EEF2K: variants seen among roughly 807,000 people sequenced by gnomAD.
EEF2K encodes eukaryotic elongation factor 2 kinase, also known as alternative protein EEF2K.
A neutral mutation model predicts 93.8 loss-of-function variants in EEF2K; 70 were observed. The observed-to-expected ratio is 0.75, with a 90% confidence interval of 0.62 to 0.91. The LOEUF (loss-of-function observed/expected upper bound fraction) is 0.91. Among genes scored for constraint, EEF2K ranks in the 40% least tolerant of loss-of-function variants. EEF2K has a pLI of 0.00. For missense variants in EEF2K, 935 were observed against 972.9 expected (o/e 0.96, Z 0.52); for synonymous variants, 376 against 380.8 (o/e 0.99, Z 0.15).
chr16:22,250,710 C>A lies in EEF2K; in HGVS notation c.446+19C>A, dbSNP rs371265228. ...TCCGGACGTAAGTGACTCAGCCTGG[C>A]TCTTGGGGCCCTGCCCAGAGTCCCC... is the stretch of plus-strand genomic sequence containing the variant. On this transcript the variant is annotated intron_variant, in intron 5 of 17. Transcript: ENST00000263026. 1 of 1,614,116 alleles carries A rather than the reference C, an allele frequency of 6.2e-7. No homozygotes were observed. The highest frequency in any genetic ancestry group is 8.5e-7 in the Non-Finnish European group (1 of 1,180,028).
intron 2 of EEF2K, among the ~76,000 whole-genome samples, chr16:22,230,372 C>T (rs903268022): frequency 6.6e-6 from 1 of 152,056 alleles, no homozygotes; most frequent in Admixed American, 6.6e-5. Flanking sequence ...CGCCACTATG[C>T]CCTGCTAATT....
At chr16:22,246,169 C>T (rs576924302) in intron 3 of EEF2K, among the ~76,000 whole-genome samples, 2 of 152,052 alleles carry the variant, frequency 1.3e-5, no homozygotes, top group Non-Finnish European at 2.9e-5. Flanking sequence ...GAGCAGCTCA[C>T]GGAACTCAGG....
At chr16:22,273,880 CTTA>C in intron 16 of EEF2K, 130 bp downstream of exon 16, 2 of 1,312,368 alleles carry the variant, frequency 1.5e-6, no homozygotes, top group Non-Finnish European at 2.0e-6. Context: ...CCATGGGCAA[CTTA>C]TTTTACCTCC....
Position 22,285,007 on chromosome 16 carries a change from C to T in EEF2K, c.*1011C>T, listed in dbSNP as rs2047741147. 1 of 152,612 alleles carries T rather than the reference C, an allele frequency of 6.6e-6. No homozygotes were observed. Among genetic ancestry groups the T allele is most frequent in the South Asian group, 2.1e-4 (1 of 4,820 alleles). 9.5% of individuals were successfully genotyped at this position (152,612 alleles called of 1,614,324 possible). ...AGCCGAATTCCATCTTTTAAGCATG[C>T]TTTCTACGGTGGGCTTTTCAAAACA... On this transcript the variant is annotated 3_prime_UTR_variant, in exon 18 of 18. Coordinates refer to ENST00000263026, the MANE Select transcript of EEF2K (RefSeq NM_013302.5).
chr16:22,264,935 C>G, intron 13 of EEF2K, 55 bp downstream of exon 13: 8 of 1,594,902 alleles, frequency 5.0e-6, no homozygotes, highest in Non-Finnish European at 6.0e-6. Flanking sequence ...CCTCCAGGCT[C>G]TGTTGCTGTT....
chr16:22,245,052 A>G (rs2047273188), intron 3 of EEF2K, among the ~76,000 whole-genome samples: 1 of 152,070 alleles, frequency 6.6e-6, no homozygotes, highest in Non-Finnish European at 1.5e-5. Flanking sequence ...ACTTGAGGTC[A>G]GGAGTTCAAG....
intron 11 of EEF2K, among the ~76,000 whole-genome samples, chr16:22,261,680 A>G (rs1455679917): frequency 6.8e-6 from 1 of 146,376 alleles, no homozygotes; most frequent in African/African-American, 2.6e-5. Flanking sequence ...ACAGAGCGAG[A>G]CTCAGTCTCA....
intron 4 of EEF2K, among the ~76,000 whole-genome samples, 157 bp downstream of exon 4, chr16:22,248,972 ATT>A (rs201664759): frequency 2.8e-4 from 35 of 126,470 alleles, no homozygotes; most frequent in African/African-American, 5.7e-4. Flanking sequence ...TGTAGCCAGC[ATT>A]TTTTTTTTTT....
chr16:22,284,286 G>C lies in EEF2K; in HGVS notation c.*290G>C. The C allele has an allele frequency of 2.9e-6, 1 of 342,776 alleles. No homozygotes were observed. Among genetic ancestry groups the C allele is most frequent in the Non-Finnish European group, 5.5e-6 (1 of 180,892 alleles). 21.2% of individuals were successfully genotyped at this position (342,776 alleles called of 1,614,324 possible). A position where few individuals can be genotyped will look rare whatever the true frequency, so the allele number is the denominator to read the frequency against. ...TGTGTGTGGTTTTTTTTGTTTGTTT[G>C]TTTGTTTGTTTTGAGACAGAGTCTT... On this transcript the variant is annotated 3_prime_UTR_variant, in exon 18 of 18. Transcript: ENST00000263026.
chr16:22,239,694 C>G (rs918611809), intron 2 of EEF2K, among the ~76,000 whole-genome samples: 1 of 152,118 alleles, frequency 6.6e-6, no homozygotes, highest in African/African-American at 2.4e-5. Context: ...GCCTGTCATC[C>G]CAGCTATTCG....
At chr16:22,277,912 G>GA (rs1463816248) in intron 16 of EEF2K, among the ~76,000 whole-genome samples, 1 of 152,140 alleles carries the variant, frequency 6.6e-6, no homozygotes, top group East Asian at 1.9e-4. Context: ...AAGAGAAGGA[G>GA]AGGGAGAGCA....
intron 3 of EEF2K, among the ~76,000 whole-genome samples, chr16:22,247,865 C>A (rs2047310984): frequency 1.3e-5 from 2 of 152,068 alleles, no homozygotes; most frequent in Admixed American, 6.6e-5. Context: ...GGACCCTTAC[C>A]CTCCACTGTG....
Position 22,257,821 on chromosome 16 carries a change from G to T in EEF2K, c.1029+51G>T, listed in dbSNP as rs755201664. On this transcript the variant is annotated intron_variant, in intron 9 of 17. Transcript: ENST00000263026. ...GGCCTGGCAGGCCCTTCTGCTACTT[G>T]CAAAGCAAGCCCTGCTCCCCTGTGT... 3.1e-6 allele frequency: 5 copies of T among 1,597,050 alleles called. No homozygotes were observed. In the East Asian group the frequency reaches 1.1e-4, roughly 36 times the overall value.
chr16:22,266,322 C>A, intron 13 of EEF2K, 68 bp from the exon 14 acceptor site: 2 of 1,552,712 alleles, frequency 1.3e-6, no homozygotes, highest in South Asian at 1.2e-5. Context: ...GTAGTAGGGG[C>A]TGCTGACAGC....
rs2047058331 is a variant in EEF2K, at chr16:22,225,861, T to A, written c.132T>A (p.Asp44Glu). The A allele has an allele frequency of 6.2e-7, 1 of 1,614,242 alleles. No homozygotes were observed. The highest frequency in any genetic ancestry group is 2.2e-5 in the East Asian group (1 of 44,892). The change falls in exon 2 of 18, where the codon GAT (aspartate) becomes GAA (glutamate). Residue 44 changes from aspartate to glutamate, a missense_variant. By Grantham distance (45) the Asp-to-Glu change is conservative. Coordinates refer to ENST00000263026, the MANE Select transcript of EEF2K (RefSeq NM_013302.5). ...EEGYFICPIT[D>E]DPSSNQNVNS... ...GTTACTTCATCTGCCCCATCACGGA[T>A]GACCCAAGCTCGAACCAGAATGTCA...
intron 13 of EEF2K, 46 bp downstream of exon 13, chr16:22,264,926 C>T (rs763019265): frequency 1.2e-6 from 2 of 1,604,660 alleles, no homozygotes; most frequent in Admixed American, 1.7e-5. Flanking sequence ...TCCCTGTCTC[C>T]TCCAGGCTCT....
At chr16:22,210,312 G>A (rs1391666678) in intron 1 of EEF2K, among the ~76,000 whole-genome samples, 1 of 152,150 alleles carries the variant, frequency 6.6e-6, no homozygotes, top group South Asian at 2.1e-4. Context: ...GGAAGCACCC[G>A]GAAGTAGGTG....
At chr16:22,266,585 C>T in intron 14 of EEF2K, 61 bp downstream of exon 14, 2 of 1,602,544 alleles carry the variant, frequency 1.2e-6, no homozygotes, top group South Asian at 1.1e-5. Flanking sequence ...CCAGCTCCAG[C>T]CTCTCCTCCG....
intron 2 of EEF2K, among the ~76,000 whole-genome samples, chr16:22,236,569 G>A (rs1598175643): frequency 6.6e-6 from 1 of 152,008 alleles, no homozygotes; most frequent in African/African-American, 2.4e-5. Context: ...ACTGTAACAG[G>A]TGATAAAGGC....
Sources: gnomAD v4.1 joint callset for allele counts (sites outside exome capture counted in the v4.1 genomes callset) on GRCh38, gnomAD v4.1.1 for gene constraint, MANE v1.5 for transcripts, NCBI Gene and HGNC (gene_info 2026-07-23, HGNC 2026-07-21) for gene names.